Variants in LAS1L observed in about 807,000 individuals in gnomAD.
The protein encoded by LAS1L is ribosomal biogenesis protein LAS1L.
Under a neutral mutation model 57.3 loss-of-function variants are expected in LAS1L, and 5 were observed. The ratio of observed to expected loss-of-function variants is 0.09; its 90% CI spans 0.05 to 0.18. The LOEUF (loss-of-function observed/expected upper bound fraction) is 0.18. LAS1L is among the 10% of genes least tolerant of loss of function. The pLI is 1.00. For synonymous variants in LAS1L, 245 were observed against 231.7 expected (o/e 1.06, Z -0.52); for missense variants, 360 against 568.3 (o/e 0.63, Z 3.73).
chrX:65,531,539 TACA>T, intron 3 of LAS1L, 101 bp from the exon 4 acceptor site: 2 of 551,625 alleles, frequency 3.6e-6, no homozygotes, highest in Non-Finnish European at 6.1e-6. Flanking sequence ...TGCCCCATTT[TACA>T]ACTAGAGAAA....
intron 12 of LAS1L, among the ~76,000 whole-genome samples, chrX:65,517,265 T>G (rs2068674234): frequency 9.6e-6 from 1 of 103,955 alleles, no homozygotes; most frequent in Non-Finnish European, 1.9e-5. Flanking sequence ...TTTTTTTTTT[T>G]GAGACGGAGT....
intron 11 of LAS1L, 33 bp downstream of exon 11, chrX:65,523,527 A>G (rs2068966783): frequency 1.8e-6 from 2 of 1,141,230 alleles, no homozygotes; most frequent in African/African-American, 3.6e-5. Context: ...GAAGGGCCTC[A>G]CCCTCTTACC....
chrX:65,532,445 G>T (rs2069547865), intron 3 of LAS1L, 116 bp downstream of exon 3: 1 of 549,027 alleles, frequency 1.8e-6, no homozygotes, highest in Non-Finnish European at 3.2e-6. Context: ...TTCTTGCTGG[G>T]CTTGGCTGGT....
intron 11 of LAS1L, chrX:65,520,639 G>T: frequency 1.3e-6 from 1 of 754,607 alleles, no homozygotes; most frequent in Non-Finnish European, 1.6e-6. Context: ...GTGTAACGGG[G>T]TGATTAGGAC....
chrX:65,519,315 C>T (rs2068760135), intron 11 of LAS1L, among the ~76,000 whole-genome samples: 1 of 111,949 alleles, frequency 8.9e-6, no homozygotes, highest in African/African-American at 3.2e-5. Flanking sequence ...TGAGGGTTCA[C>T]CTGCCAATTC....
At chrX:65,518,785 A>T in intron 11 of LAS1L, 2 of 747,273 alleles carry the variant, frequency 2.7e-6, no homozygotes, top group Non-Finnish European at 3.2e-6. Context: ...GCATGCAATA[A>T]ATGATAGCTA....
chrX:65,514,220 G>A (rs1251580378), intron 13 of LAS1L, among the ~76,000 whole-genome samples: 1 of 111,447 alleles, frequency 9.0e-6, no homozygotes, highest in East Asian at 2.8e-4. Flanking sequence ...CCTCAGCAAG[G>A]GCTGCTTGGT....
At position 65,524,954 on chromosome X, in the gene LAS1L, C is replaced by G. The variant is rs1243724661; in HGVS notation, c.1042+11G>C. The G allele has an allele frequency of 8.3e-7, 1 of 1,199,346 alleles. No homozygotes were observed. Among genetic ancestry groups the G allele is most frequent in the South Asian group, 1.8e-5 (1 of 55,759 alleles). ...GAACCCTAAGGGTGCAGTGAGCCCCCAGAACCCTACCTTCATATTCTATCT... is the reference window on the plus strand; with the variant it reads ...GAACCCTAAGGGTGCAGTGAGCCCCGAGAACCCTACCTTCATATTCTATCT... On this transcript the variant is annotated intron_variant, in intron 8 of 13. Coordinates refer to ENST00000374811, the MANE Select transcript of LAS1L (RefSeq NM_031206.7).
rs188154006 is a variant in LAS1L, at chrX:65,517,877, C to G, written c.1927+110G>C. 543 of 1,086,697 alleles carry G rather than the reference C, an allele frequency of 5.0e-4. 1 individual carries two copies. Among genetic ancestry groups the G allele is most frequent in the Non-Finnish European group, 6.3e-4 (528 of 836,059 alleles). 89.6% of individuals were successfully genotyped at this position (1,086,697 alleles called of 1,213,427 possible). ...TGCACCAGGCTGCCTTCCAGGCTTG[C>G]CTCACATTGGCTACCTCCTGCTACT... On this transcript the variant is annotated intron_variant, in intron 12 of 13. Coordinates refer to ENST00000374811, the MANE Select transcript of LAS1L (RefSeq NM_031206.7).
At position 65,533,864 on chromosome X, in the gene LAS1L, CAAG is replaced by C. The variant is rs758932606; in HGVS notation, c.237-132_237-130del. ...CAAGAGAGCATGAACAGACACAAAA[CAAG>C]AAGGTGGGAGGAGACACGGTAATGT... On this transcript the variant is annotated intron_variant, in intron 1 of 13. Transcript: ENST00000374811. 13 of 703,392 alleles carry C rather than the reference CAAG, an allele frequency of 1.8e-5. No homozygotes were observed. In the African/African-American group the frequency reaches 2.4e-4, roughly 13 times the overall value. 58.0% of individuals were successfully genotyped at this position (703,392 alleles called of 1,213,427 possible). A position where few individuals can be genotyped will look rare whatever the true frequency, so the allele number is the denominator to read the frequency against.
At chrX:65,525,476 C>T (rs1375532295) in intron 7 of LAS1L, among the ~76,000 whole-genome samples, 2 of 110,773 alleles carry the variant, frequency 1.8e-5, no homozygotes, top group Non-Finnish European at 1.9e-5. Context: ...GTACCCTACC[C>T]CTTCTCTTCT....
In LAS1L at chrX:65,523,587, C is replaced by T; in HGVS notation, c.1421G>A (p.Cys474Tyr). The change falls in exon 11 of 14, where the codon TGC becomes TAC. Residue 474 changes from cysteine (C) to tyrosine (Y), a missense_variant. Cys to Tyr is a radical substitution (Grantham distance 194, BLOSUM62 -2). This residue lies in a region of LAS1L where 81 missense variants were observed against 192.1 expected (regional missense o/e 0.42). Transcript: ENST00000374811. ...CCGAAGGAGTTGGGGGCTGGCCCAGCAAGGTGAGCCCAAGCAGGACTCAAC... is the reference window on the plus strand; with the variant it reads ...CCGAAGGAGTTGGGGGCTGGCCCAGTAAGGTGAGCCCAAGCAGGACTCAAC... ...RMVESCLGSPCWASPQLLRII... is the reference protein window; with the variant it reads ...RMVESCLGSPYWASPQLLRII... 1 of 1,195,101 alleles carries T rather than the reference C, an allele frequency of 8.4e-7. No homozygotes were observed. The highest frequency in any genetic ancestry group is 1.1e-6 in the Non-Finnish European group (1 of 887,318).
intron 11 of LAS1L, chrX:65,521,308 G>A (rs1211721732): frequency 1.3e-6 from 1 of 750,730 alleles, no homozygotes; most frequent in African/African-American, 2.3e-5. Flanking sequence ...TGAGAGAGCA[G>A]AGCACGGTTC....
chrX:65,516,678 C>CACAA (rs2068643539), intron 12 of LAS1L, among the ~76,000 whole-genome samples: 2 of 97,650 alleles, frequency 2.0e-5, no homozygotes, highest in Non-Finnish European at 4.0e-5. Context: ...CACACACACA[C>CACAA]AAATTCTGCT....
intron 11 of LAS1L, chrX:65,521,288 CTG>C: frequency 4.0e-6 from 3 of 753,997 alleles, no homozygotes; most frequent in Non-Finnish European, 4.7e-6. Flanking sequence ...AAGGACAGCA[CTG>C]CTGGGAATGA....
chrX:65,512,920 G>T lies in LAS1L; in HGVS notation c.2079-19C>A, dbSNP rs747219661. 8.6e-7 allele frequency: 1 copy of T among 1,159,295 alleles called. No individual in the cohort carries two copies. The highest frequency in any genetic ancestry group is 1.2e-6 in the Non-Finnish European group (1 of 867,146). On this transcript the variant is annotated intron_variant, in intron 13 of 13. Coordinates refer to ENST00000374811, the MANE Select transcript of LAS1L (RefSeq NM_031206.7). ...CAAGGTGCTGAGGAGAGAGTGGGAG[G>T]TCAGTCAGGGAAGGAGGCAGCTTTA...
intron 6 of LAS1L, among the ~76,000 whole-genome samples, chrX:65,528,630 G>T (rs765659908): frequency 8.9e-6 from 1 of 112,885 alleles, no homozygotes; most frequent in Non-Finnish European, 1.9e-5. Context: ...TGTTCAATGG[G>T]GGAATTTGGC....
At position 65,529,754 on chromosome X, in the gene LAS1L, T is replaced by C. The variant is rs774123480; in HGVS notation, c.639A>G (p.Glu213=). The change falls in exon 5 of 14, where the codon GAA becomes GAG. Residue 213 remains glutamate (E), a synonymous_variant. Transcript: ENST00000374811. ...TGTCATCAACAACAATGTTCTTATC[T>C]TCCTCTTGATCCTCTTCCTCTATCC... The part of the protein sequence containing the change: ...REGIEEEDQE[E]DKNIVVDDIT... The C allele has an allele frequency of 9.1e-6, 11 of 1,211,761 alleles. No individual in the cohort carries two copies. Among genetic ancestry groups the C allele is most frequent in the Non-Finnish European group, 1.2e-5 (11 of 895,440 alleles).
intron 12 of LAS1L, among the ~76,000 whole-genome samples, chrX:65,516,179 T>G (rs1277065140): frequency 9.0e-6 from 1 of 111,343 alleles, no homozygotes; most frequent in East Asian, 2.8e-4. Flanking sequence ...CCAGAGCTCC[T>G]CAGGAAGGAC....
Sources: allele counts gnomAD v4.1 joint callset (sites outside exome capture counted in the v4.1 genomes callset), GRCh38; gene constraint gnomAD v4.1.1; regional missense constraint gnomAD v4.1.1; transcripts MANE v1.5; gene names NCBI Gene and HGNC (gene_info 2026-07-23, HGNC 2026-07-21).